CDH12: variants seen among roughly 807,000 people sequenced by gnomAD.
The protein encoded by CDH12 is cadherin-12.
CDH12 carries 41 observed loss-of-function variants against 74.1 expected under a neutral mutation model. The ratio of observed to expected loss-of-function variants is 0.55; its 90% CI spans 0.43 to 0.72. CDH12 has a LOEUF of 0.72. CDH12 is among the 30% of genes least tolerant of loss of function. The pLI, the probability that CDH12 is intolerant of heterozygous loss-of-function variation, is 0.00. For synonymous variants in CDH12, 399 were observed against 355.0 expected (o/e 1.12, Z -1.39); for missense variants, 945 against 977.2 (o/e 0.97, Z 0.44).
At chr5:22,140,935 C>T (rs992981383) in intron 4 of CDH12, among the ~76,000 whole-genome samples, 1 of 152,204 alleles carries the variant, frequency 6.6e-6, no homozygotes, top group African/African-American at 2.4e-5. Context: ...CTCCTGCTCA[C>T]TGTTATCCTC....
intron 13 of CDH12, among the ~76,000 whole-genome samples, chr5:21,756,345 A>T (rs1241667251): frequency 6.6e-6 from 1 of 152,094 alleles, no homozygotes; most frequent in Non-Finnish European, 1.5e-5. Flanking sequence ...TATGTATGGG[A>T]ATACTTTCAC....
chr5:22,088,601 A>C (rs1425970580), intron 4 of CDH12, among the ~76,000 whole-genome samples: 1 of 152,138 alleles, frequency 6.6e-6, no homozygotes, highest in Non-Finnish European at 1.5e-5. Flanking sequence ...CATTCCTCTC[A>C]GGGGAAACAG....
chr5:21,867,266 A>AT (rs781147968), intron 6 of CDH12, among the ~76,000 whole-genome samples: 17 of 152,270 alleles, frequency 1.1e-4, no homozygotes, highest in Non-Finnish European at 2.2e-4. Flanking sequence ...GAGGCAAGAG[A>AT]ATGGCTTGAA....
At chr5:22,499,913 A>T (rs1212523284) in intron 2 of CDH12, among the ~76,000 whole-genome samples, 1 of 152,202 alleles carries the variant, frequency 6.6e-6, no homozygotes, top group Admixed American at 6.5e-5. Flanking sequence ...ATAATTATGT[A>T]CTGACTACCT....
chr5:22,802,123 T>C (rs928789834), intron 1 of CDH12, among the ~76,000 whole-genome samples: 6 of 148,744 alleles, frequency 4.0e-5, no homozygotes, highest in Non-Finnish European at 9.0e-5. Context: ...ATTCGTATTT[T>C]TTTTTTTTTT....
At chr5:22,354,359 G>A (rs1271094503) in intron 3 of CDH12, among the ~76,000 whole-genome samples, 1 of 152,104 alleles carries the variant, frequency 6.6e-6, no homozygotes, top group African/African-American at 2.4e-5. Flanking sequence ...ATCAACCATC[G>A]CCATCACCAC....
chr5:21,799,910 G>T (rs765586802), intron 10 of CDH12, among the ~76,000 whole-genome samples: 6 of 152,180 alleles, frequency 3.9e-5, no homozygotes, highest in Non-Finnish European at 7.3e-5. Flanking sequence ...CCGAGTGGTG[G>T]AGGTTATATT....
chr5:22,459,039 G>A (rs901801466), intron 2 of CDH12, among the ~76,000 whole-genome samples: 2 of 151,980 alleles, frequency 1.3e-5, no homozygotes, highest in African/African-American at 4.8e-5. Context: ...ATCACTGTAC[G>A]AGGTTAAACT....
intron 2 of CDH12, among the ~76,000 whole-genome samples, chr5:22,423,495 C>A (rs945329774): frequency 4.6e-5 from 7 of 152,150 alleles, no homozygotes; most frequent in Non-Finnish European, 1.0e-4. Context: ...TTCTTACCAT[C>A]CTGACACTTT....
At chr5:22,111,353 A>C (rs1371213896) in intron 4 of CDH12, among the ~76,000 whole-genome samples, 2 of 152,220 alleles carry the variant, frequency 1.3e-5, no homozygotes, top group African/African-American at 4.8e-5. Context: ...AAACATAAAA[A>C]TTTAGGTAAG....
intron 1 of CDH12, among the ~76,000 whole-genome samples, chr5:22,540,181 AT>A (rs1345309846): frequency 2.0e-5 from 3 of 152,098 alleles, no homozygotes; most frequent in African/African-American, 7.2e-5. Context: ...AAATTGAGGG[AT>A]AAATATATTC....
chr5:22,218,799 A>G (rs1751912262), intron 3 of CDH12, among the ~76,000 whole-genome samples: 2 of 151,884 alleles, frequency 1.3e-5, no homozygotes, highest in South Asian at 4.1e-4. Flanking sequence ...CAGAATCACA[A>G]TTAAATGATT....
At chr5:22,203,280 A>C (rs1277492013) in intron 4 of CDH12, among the ~76,000 whole-genome samples, 1 of 152,000 alleles carries the variant, frequency 6.6e-6, no homozygotes, top group East Asian at 1.9e-4. Context: ...GCTAACCTCT[A>C]ATCTACTCTC....
intron 4 of CDH12, among the ~76,000 whole-genome samples, chr5:22,092,002 G>A (rs1416601867): frequency 6.6e-6 from 1 of 151,202 alleles, no homozygotes; most frequent in South Asian, 2.1e-4. Context: ...ATCTAATACT[G>A]CTTGTAGCAA....
intron 5 of CDH12, among the ~76,000 whole-genome samples, chr5:22,025,653 T>C (rs1738297710): frequency 6.6e-6 from 1 of 152,174 alleles, no homozygotes; most frequent in Non-Finnish European, 1.5e-5. Flanking sequence ...AAGATGTTCC[T>C]CTAGCATGAA....
At chr5:21,880,667 C>CTTTCTTTCTTTA in intron 6 of CDH12, among the ~76,000 whole-genome samples, 1 of 122,588 alleles carries the variant, frequency 8.2e-6, no homozygotes, top group Admixed American at 9.0e-5. Context: ...TTCTTTCTTT[C>CTTTCTTTCTTTA]TTTCTTTCTT....
At chr5:22,608,820 G>T (rs1288993127) in intron 1 of CDH12, among the ~76,000 whole-genome samples, 1 of 152,122 alleles carries the variant, frequency 6.6e-6, no homozygotes, top group Non-Finnish European at 1.5e-5. Flanking sequence ...CTCTCCTGAA[G>T]AGGTGCCTTC....
Position 22,821,299 on chromosome 5 carries a change from G to A in CDH12, c.-523+31759C>T, listed in dbSNP as rs115223272. On this transcript the variant is annotated intron_variant, in intron 1 of 14. Coordinates refer to ENST00000382254, the MANE Select transcript of CDH12 (RefSeq NM_004061.5). ...TATCATACTGAATAGGCAAAAACTG[G>A]GAGTATTCCCTTTGAAAACCGGCAC... Among the ~76,000 whole-genome samples the A allele has an allele frequency of 4.7e-3, 715 of 152,240 alleles. 9 individuals carry two copies. The highest frequency in any genetic ancestry group is 0.016 in the African/African-American group (681 of 41,540).
At chr5:22,838,279 C>G (rs373184811) in intron 1 of CDH12, among the ~76,000 whole-genome samples, 1 of 152,098 alleles carries the variant, frequency 6.6e-6, no homozygotes, top group East Asian at 1.9e-4. Context: ...CTATCATGGT[C>G]CCACCATCCT....
Sources: allele counts gnomAD v4.1 joint callset (sites outside exome capture counted in the v4.1 genomes callset), GRCh38; gene constraint gnomAD v4.1.1; transcripts MANE v1.5; gene names NCBI Gene and HGNC (gene_info 2026-07-23, HGNC 2026-07-21).